Variants in RFX3 observed in about 807,000 individuals in gnomAD.
RFX3 encodes transcription factor RFX3.
RFX3 carries 14 observed loss-of-function variants against 98.6 expected under a neutral mutation model. The observed-to-expected ratio is 0.14, with a 90% CI of 0.09 to 0.22. The LOEUF (loss-of-function observed/expected upper bound fraction) is 0.22. RFX3 is among the 10% of genes least tolerant of loss of function. RFX3 has a pLI of 1.00. For missense variants in RFX3, 639 were observed against 926.9 expected (o/e 0.69, Z 4.03); for synonymous variants, 383 against 328.4 (o/e 1.17, Z -1.80).
At chr9:3,330,136 T>C in intron 4 of RFX3, 123 bp downstream of exon 4, 1 of 1,001,154 alleles carries the variant, frequency 1.0e-6, no homozygotes, top group African/African-American at 1.6e-5. Context: ...CTCTCAATAC[T>C]AAAACTATCC....
chr9:3,384,926 C>T (rs1447985844), intron 2 of RFX3, among the ~76,000 whole-genome samples: 3 of 152,148 alleles, frequency 2.0e-5, no homozygotes, highest in African/African-American at 7.2e-5. Flanking sequence ...TCACTGTTAC[C>T]TCTATTCCTC....
intron 1 of RFX3, among the ~76,000 whole-genome samples, chr9:3,442,391 T>G (rs965496479): frequency 2.0e-5 from 3 of 151,060 alleles, no homozygotes; most frequent in Non-Finnish European, 4.4e-5. Context: ...AAAACAAAAT[T>G]GAAGGATACT....
At chr9:3,450,198 C>T (rs1243923625) in intron 1 of RFX3, among the ~76,000 whole-genome samples, 7 of 152,280 alleles carry the variant, frequency 4.6e-5, no homozygotes, top group Non-Finnish European at 1.0e-4. Context: ...CACACACATA[C>T]AAATAAATCC....
chr9:3,329,503 G>A (rs1196076160), intron 4 of RFX3, among the ~76,000 whole-genome samples: 1 of 146,754 alleles, frequency 6.8e-6, no homozygotes, highest in Non-Finnish European at 1.5e-5. Flanking sequence ...ATGCTCCTAA[G>A]ATACTGTTTG....
At chr9:3,471,851 T>C (rs915812748) in intron 1 of RFX3, among the ~76,000 whole-genome samples, 1 of 152,244 alleles carries the variant, frequency 6.6e-6, no homozygotes, top group Admixed American at 6.5e-5. Context: ...CTTCAGAATC[T>C]TTCTACCAAA....
intron 4 of RFX3, among the ~76,000 whole-genome samples, chr9:3,319,474 A>G (rs1436124427): frequency 2.6e-5 from 4 of 152,150 alleles, no homozygotes; most frequent in Admixed American, 2.6e-4. Context: ...TGATTCTGCA[A>G]TCTTAAGTAT....
intron 6 of RFX3, among the ~76,000 whole-genome samples, chr9:3,291,529 G>T (rs1001254116): frequency 6.6e-6 from 1 of 152,074 alleles, no homozygotes; most frequent in African/African-American, 2.4e-5. Flanking sequence ...TGTTTCTCCA[G>T]AACTATCCAC....
At chr9:3,311,157 T>C (rs983907788) in intron 4 of RFX3, among the ~76,000 whole-genome samples, 6 of 152,254 alleles carry the variant, frequency 3.9e-5, no homozygotes, top group Non-Finnish European at 7.3e-5. Context: ...CTGTGAAAAC[T>C]GTAAATTTTT....
At chr9:3,260,457 T>C (rs895379059) in intron 13 of RFX3, among the ~76,000 whole-genome samples, 1 of 151,966 alleles carries the variant, frequency 6.6e-6, no homozygotes, top group African/African-American at 2.4e-5. Flanking sequence ...AATATATATA[T>C]ATGTATTTAT....
intron 2 of RFX3, among the ~76,000 whole-genome samples, chr9:3,358,708 T>C (rs1168383334): frequency 6.6e-6 from 1 of 152,016 alleles, no homozygotes; most frequent in Non-Finnish European, 1.5e-5. Flanking sequence ...TATGAAAAAA[T>C]ACCTGAGACT....
chr9:3,491,576 A>G (rs1371299570), intron 1 of RFX3, among the ~76,000 whole-genome samples: 1 of 152,190 alleles, frequency 6.6e-6, no homozygotes, highest in East Asian at 1.9e-4. Context: ...GCAAATATCA[A>G]GTGAAAATTT....
intron 2 of RFX3, among the ~76,000 whole-genome samples, chr9:3,369,705 G>A (rs1401916145): frequency 6.6e-6 from 1 of 152,244 alleles, no homozygotes; most frequent in Admixed American, 6.5e-5. Context: ...ACTAGCGAAA[G>A]CAAATGATAT....
In RFX3 at chr9:3,263,005, A is replaced by G; in HGVS notation, c.1535T>C (p.Val512Ala). ...GTTGATTTGGGAAGTGTTCTGAAGC[A>G]CTGCACGAGCTGCCTGGGCCAGGTG... The part of the protein sequence containing the change: ...LNHLAQAARA[V>A]LQNTSQINQM... Residue 512 changes from valine to alanine, a missense_variant, in exon 13 of 17, where the codon GTG (valine) becomes GCG (alanine). Val to Ala is a moderately conservative substitution (Grantham distance 64, BLOSUM62 0). Coordinates refer to ENST00000617270, the MANE Select transcript of RFX3 (RefSeq NM_001282116.2). 1 of 1,613,924 alleles carries G rather than the reference A, an allele frequency of 6.2e-7. No homozygotes were observed. The highest frequency in any genetic ancestry group is 8.5e-7 in the Non-Finnish European group (1 of 1,179,832).
At chr9:3,513,046 C>T (rs116261866) in intron 1 of RFX3, among the ~76,000 whole-genome samples, 1,734 of 152,138 alleles carry the variant, frequency 0.011, 27 homozygotes, top group South Asian at 0.031. Context: ...TCTTTATGCT[C>T]CTTAAAACTC....
chr9:3,226,093 T>C lies in RFX3; in HGVS notation c.2012-813A>G, dbSNP rs376777674. 1.2e-4 allele frequency among the ~76,000 whole-genome samples: 19 copies of C among 152,274 alleles called. No individual in the cohort carries two copies. In the East Asian group the frequency reaches 3.5e-3, roughly 28 times the overall value. ...TCAAAAGTACATTAGAGAGAGAAAATGCACATATACAGCTTTACTATTGTG... is the reference window on the plus strand; with the variant it reads ...TCAAAAGTACATTAGAGAGAGAAAACGCACATATACAGCTTTACTATTGTG... On this transcript the variant is annotated intron_variant, in intron 16 of 16. Transcript: ENST00000617270.
At chr9:3,253,796 T>A (rs762133416) in intron 14 of RFX3, among the ~76,000 whole-genome samples, 1 of 152,172 alleles carries the variant, frequency 6.6e-6, no homozygotes, top group African/African-American at 2.4e-5. Flanking sequence ...TATAATGGCA[T>A]TTACAAATTT....
At chr9:3,355,776 T>G (rs1167383078) in intron 2 of RFX3, among the ~76,000 whole-genome samples, 1 of 151,798 alleles carries the variant, frequency 6.6e-6, no homozygotes, top group African/African-American at 2.4e-5. Context: ...AGTTCAGGAA[T>G]AAATGAGGAA....
At chr9:3,504,934 T>A (rs1439534875) in intron 1 of RFX3, among the ~76,000 whole-genome samples, 1 of 63,660 alleles carries the variant, frequency 1.6e-5, no homozygotes, top group African/African-American at 7.9e-5. Flanking sequence ...ATATTATATA[T>A]AATATATATA....
intron 9 of RFX3, among the ~76,000 whole-genome samples, chr9:3,272,224 T>C (rs1824586883): frequency 6.6e-6 from 1 of 152,152 alleles, no homozygotes; most frequent in Admixed American, 6.5e-5. Flanking sequence ...AAGTAGTCAG[T>C]ATAATGTGAT....
Sources: allele counts gnomAD v4.1 joint callset (sites outside exome capture counted in the v4.1 genomes callset), GRCh38; gene constraint gnomAD v4.1.1; transcripts MANE v1.5; gene names NCBI Gene and HGNC (gene_info 2026-07-23, HGNC 2026-07-21).